COL21A1: variants seen among roughly 807,000 people sequenced by gnomAD.
COL21A1 encodes collagen type XXI alpha 1 chain.
Under a neutral mutation model 137.9 loss-of-function variants are expected in COL21A1, and 149 were observed. The ratio of observed to expected loss-of-function variants is 1.08; its 90% CI spans 0.95 to 1.24. The LOEUF is 1.24. Ranked by LOEUF, COL21A1 falls within the 50% of genes most tolerant of loss-of-function variation. The pLI is 0.00. For synonymous variants in COL21A1, 456 were observed against 391.5 expected, an observed-to-expected ratio of 1.16 and a Z score of -1.95; for missense variants, 1,167 against 1,158.4, an observed-to-expected ratio of 1.01 and a Z score of -0.11.
chr6:56,205,931 G>A (rs1779748810), intron 1 of COL21A1, among the ~76,000 whole-genome samples: 1 of 152,192 alleles, frequency 6.6e-6, no homozygotes. Flanking sequence ...ACAAGCAAAT[G>A]CTGAGAGATT....
At chr6:56,078,996 T>A (rs1482507547) in intron 17 of COL21A1, among the ~76,000 whole-genome samples, 2 of 151,714 alleles carry the variant, frequency 1.3e-5, no homozygotes, top group Non-Finnish European at 3.0e-5. Context: ...GAATATAAAA[T>A]GAATTGTACC....
chr6:56,246,470 C>CT (rs5876498), intron 1 of COL21A1, among the ~76,000 whole-genome samples: 5 of 150,230 alleles, frequency 3.3e-5, no homozygotes, highest in African/African-American at 4.9e-5. Flanking sequence ...CCCCAGTATG[C>CT]TTTTTTTTTT....
chr6:56,224,304 G>T (rs764740732), intron 1 of COL21A1, among the ~76,000 whole-genome samples: 1 of 152,074 alleles, frequency 6.6e-6, no homozygotes, highest in Non-Finnish European at 1.5e-5. Context: ...CTTGCAAGTA[G>T]GGTAAAATCT....
intron 1 of COL21A1, among the ~76,000 whole-genome samples, chr6:56,374,407 A>T (rs1392508412): frequency 6.6e-6 from 1 of 152,218 alleles, no homozygotes; most frequent in South Asian, 2.1e-4. Flanking sequence ...GATATTTTAA[A>T]GTGAAAGAAC....
At chr6:56,165,119 G>T (rs930684624) in intron 7 of COL21A1, among the ~76,000 whole-genome samples, 2 of 152,056 alleles carry the variant, frequency 1.3e-5, no homozygotes, top group South Asian at 4.2e-4. Context: ...AATACCTCCA[G>T]ATGAGATTTA....
intron 1 of COL21A1, among the ~76,000 whole-genome samples, chr6:56,197,557 C>T (rs1209770919): frequency 6.6e-6 from 1 of 152,002 alleles, no homozygotes; most frequent in African/African-American, 2.4e-5. Context: ...TGTAAATAGA[C>T]AATTTTCCAA....
intron 10 of COL21A1, among the ~76,000 whole-genome samples, chr6:56,155,369 T>G (rs979314553): frequency 6.6e-6 from 1 of 152,186 alleles, no homozygotes; most frequent in African/African-American, 2.4e-5. Context: ...TCTTGTTTTT[T>G]AATTTCTTAG....
intron 16 of COL21A1, among the ~76,000 whole-genome samples, chr6:56,103,556 C>G (rs1021983511): frequency 1.3e-5 from 2 of 152,084 alleles, no homozygotes; most frequent in African/African-American, 2.4e-5. Context: ...TATAAAATCT[C>G]TACTTTTTTC....
At chr6:56,114,724 G>A (rs1306898615) in intron 16 of COL21A1, among the ~76,000 whole-genome samples, 3 of 148,866 alleles carry the variant, frequency 2.0e-5, no homozygotes, top group Non-Finnish European at 4.5e-5. Flanking sequence ...CACTGTTGGT[G>A]GGACTGTAAA....
chr6:56,157,307 CTTTT>C (rs34605782), intron 9 of COL21A1, among the ~76,000 whole-genome samples: 3 of 94,026 alleles, frequency 3.2e-5, no homozygotes, highest in Admixed American at 2.4e-4. Flanking sequence ...ACTCATAAGA[CTTTT>C]TTTTTTTTTT....
At chr6:56,110,191 A>T (rs1771297730) in intron 16 of COL21A1, among the ~76,000 whole-genome samples, 1 of 151,622 alleles carries the variant, frequency 6.6e-6, no homozygotes, top group Non-Finnish European at 1.5e-5. Flanking sequence ...ACAAAAATCA[A>T]TGTTGTATAT....
At chr6:56,304,254 G>A (rs1764377446) in intron 1 of COL21A1, among the ~76,000 whole-genome samples, 1 of 151,998 alleles carries the variant, frequency 6.6e-6, no homozygotes, top group South Asian at 2.1e-4. Context: ...CATAAAATGA[G>A]TTAGGGAGGA....
upstream of COL21A1, among the ~76,000 whole-genome samples, chr6:56,252,510 A>C (rs951961391): frequency 6.6e-6 from 1 of 152,226 alleles, no homozygotes; most frequent in African/African-American, 2.4e-5. Flanking sequence ...GGGCTGGAAA[A>C]TTAAGTTTTG....
At chr6:56,199,210 C>T (rs1779220728) in intron 1 of COL21A1, among the ~76,000 whole-genome samples, 1 of 152,030 alleles carries the variant, frequency 6.6e-6, no homozygotes. Flanking sequence ...AGCAGAAAGT[C>T]CTTGGTTACT....
chr6:56,093,014 C>G (rs1376495651), intron 17 of COL21A1, among the ~76,000 whole-genome samples: 1 of 152,150 alleles, frequency 6.6e-6, no homozygotes, highest in Non-Finnish European at 1.5e-5. Flanking sequence ...ACTCCCTCCT[C>G]TTCCCTATGT....
At chr6:56,234,206 G>T (rs1781763727) in intron 1 of COL21A1, among the ~76,000 whole-genome samples, 1 of 151,656 alleles carries the variant, frequency 6.6e-6, no homozygotes, top group Non-Finnish European at 1.5e-5. Flanking sequence ...TTGAAATTGT[G>T]TTTTTTAAAG....
chr6:56,318,452 A>G (rs927291053), intron 1 of COL21A1, among the ~76,000 whole-genome samples: 3 of 151,758 alleles, frequency 2.0e-5, no homozygotes, highest in African/African-American at 7.3e-5. Context: ...TCTCTCCTCA[A>G]CCCTTCAACA....
At chr6:56,088,749 T>C (rs987306386) in intron 17 of COL21A1, among the ~76,000 whole-genome samples, 10 of 152,126 alleles carry the variant, frequency 6.6e-5, no homozygotes, top group African/African-American at 2.4e-4. Flanking sequence ...GTTTACAGTA[T>C]TGCACTAAAC....
chr6:56,100,332 A>G (rs957954600), intron 17 of COL21A1, among the ~76,000 whole-genome samples: 1 of 152,204 alleles, frequency 6.6e-6, no homozygotes, highest in Admixed American at 6.5e-5. Flanking sequence ...TTACCTTCCT[A>G]TACTCTTTCA....
Sources: gnomAD v4.1 joint callset for allele counts (sites outside exome capture counted in the v4.1 genomes callset) on GRCh38, gnomAD v4.1.1 for gene constraint, MANE v1.5 for transcripts, NCBI Gene and HGNC (gene_info 2026-07-23, HGNC 2026-07-21) for gene names.